The following ZNF592 variants were observed in gnomAD, a reference collection of about 807,000 sequenced individuals.
ZNF592 encodes spinocerebellar ataxia, autosomal recessive 5.
Under a neutral mutation model 80.3 loss-of-function variants are expected in ZNF592, and 11 were observed. The observed-to-expected ratio is 0.14, with a 90% confidence interval of 0.09 to 0.23. ZNF592 has a LOEUF of 0.23. Among genes scored for constraint, ZNF592 ranks in the 10% least tolerant of loss-of-function variants. The pLI is 1.00. For missense variants in ZNF592, 1,420 were observed against 1,633.9 expected (o/e 0.87, Z 2.26); for synonymous variants, 646 against 640.3 (o/e 1.01, Z -0.13).
At position 84,802,864 on chromosome 15, in the gene ZNF592, C is replaced by T. The variant is rs1963141569; in HGVS notation, c.*471C>T. On this transcript the variant is annotated 3_prime_UTR_variant, in exon 11 of 11. Transcript: ENST00000560079. ...GAAATGAGGGGTGCTGACACAGTCC[C>T]TCTGGGAGAGCTCTGCCTAGTCTGG... The T allele has an allele frequency of 5.5e-6, 1 of 181,312 alleles. No homozygotes were observed. Among genetic ancestry groups the T allele is most frequent in the South Asian group, 1.1e-4 (1 of 9,266 alleles). The allele number at this position is 181,312 out of a possible 1,614,324, so 11.2% of individuals were successfully genotyped here. A position where few individuals can be genotyped will look rare whatever the true frequency, so the allele number is the denominator to read the frequency against.
At position 84,798,680 on chromosome 15, in the gene ZNF592, C is replaced by T. The variant is rs1401034348; in HGVS notation, c.2829C>T (p.Pro943=). Residue 943 remains proline (P), a synonymous_variant, in exon 8 of 11, where the codon CCC becomes CCT. Coordinates refer to ENST00000560079, the MANE Select transcript of ZNF592 (RefSeq NM_014630.3). This position sits in a 1 kb window ranked among gnomAD's most constrained non-coding sequence, Gnocchi z 4.5. The part of the protein sequence containing the change: ...TSSSRPGSRV[P]TEPPATSVAA... ...CAAGCCGCCCTGGCTCTCGAGTTCC[C>T]ACTGAGCCACCAGCCACTAGTGTGG... 1.2e-6 allele frequency: 2 copies of T among 1,613,576 alleles called. No homozygotes were observed. The highest frequency in any genetic ancestry group is 1.1e-5 in the South Asian group (1 of 91,084).
At chr15:84,786,839 A>ATT (rs1962597583) in intron 4 of ZNF592, among the ~76,000 whole-genome samples, 1 of 96,268 alleles carries the variant, frequency 1.0e-5, no homozygotes, top group Non-Finnish European at 2.1e-5. Flanking sequence ...GTCCTTACGT[A>ATT]TCTTTTTTTT....
intron 3 of ZNF592, among the ~76,000 whole-genome samples, 187 bp from the exon 4 acceptor site, chr15:84,782,470 T>C (rs1476707980): frequency 2.0e-5 from 3 of 152,220 alleles, no homozygotes. Context: ...TTTCCATCTC[T>C]GCCCCCACCT....
At chr15:84,772,777 A>G (rs910863968) in intron 2 of ZNF592, among the ~76,000 whole-genome samples, 5 of 152,106 alleles carry the variant, frequency 3.3e-5, no homozygotes, top group Admixed American at 2.0e-4. Flanking sequence ...TCCTTAAATC[A>G]TGCTGCCTTT....
chr15:84,792,155 G>A lies in ZNF592; in HGVS notation c.2399+1272G>A, dbSNP rs985277092. 9.2e-5 allele frequency among the ~76,000 whole-genome samples: 14 copies of A among 152,180 alleles called. No individual in the cohort carries two copies. In the South Asian group the frequency reaches 1.5e-3, roughly 16 times the overall value. ...TGAGGGCTTCACTGAAGGCATGATCGTGGGAATGGAGAGAAGGTAGATTTG... is the reference window on the plus strand; with the variant it reads ...TGAGGGCTTCACTGAAGGCATGATCATGGGAATGGAGAGAAGGTAGATTTG... On this transcript the variant is annotated intron_variant, in intron 5 of 10. Transcript: ENST00000560079.
At chr15:84,801,719 C>T in intron 10 of ZNF592, 144 bp from the exon 11 acceptor site, 4 of 1,193,560 alleles carry the variant, frequency 3.4e-6, no homozygotes, top group Non-Finnish European at 1.2e-6. Context: ...AGAATTGAAA[C>T]AAACCAAACG....
chr15:84,783,673 G>A lies in ZNF592; in HGVS notation c.998G>A (p.Arg333Gln), dbSNP rs144705583. The A allele has an allele frequency of 2.2e-5, 35 of 1,614,186 alleles. No individual in the cohort carries two copies. In the African/African-American group the frequency reaches 3.6e-4, roughly 17 times the overall value. ...ATGCCCAAGTCACCAAAGAGTCCCCGGAGCCCTCTGGAGGCCACTAGAAAA... is the reference window on the plus strand; with the variant it reads ...ATGCCCAAGTCACCAAAGAGTCCCCAGAGCCCTCTGGAGGCCACTAGAAAA... ...PKMPKSPKSP[R>Q]SPLEATRKSI... Residue 333 changes from arginine to glutamine, a missense_variant, in exon 4 of 11, where the codon CGG becomes CAG. This residue lies in a region of ZNF592 where 524 missense variants were observed against 628.3 expected (regional missense o/e 0.83). Coordinates refer to ENST00000560079, the MANE Select transcript of ZNF592 (RefSeq NM_014630.3). The surrounding 1 kb of genome is among the most constrained non-coding windows in gnomAD (Gnocchi z 5.0).
chr15:84,783,867 C>T lies in ZNF592; in HGVS notation c.1192C>T (p.Pro398Ser). 6.2e-7 allele frequency: 1 copy of T among 1,614,192 alleles called. No homozygotes were observed. The highest frequency in any genetic ancestry group is 8.5e-7 in the Non-Finnish European group (1 of 1,180,026). The change falls in exon 4 of 11, where the codon CCT becomes TCT. Residue 398 changes from proline to serine, a missense_variant. Coordinates refer to ENST00000560079, the MANE Select transcript of ZNF592 (RefSeq NM_014630.3). This position sits in a 1 kb window ranked among gnomAD's most constrained non-coding sequence, Gnocchi z 5.0. Reference protein sequence around the residue: ...KRTVTRILPDPDDPSKSPVGS... With the variant: ...KRTVTRILPDSDDPSKSPVGS... ...GACTGTCACAAGGATCCTGCCAGAT[C>T]CTGATGATCCAAGTAAGTCCCCTGT...
intron 1 of ZNF592, 64 bp downstream of exon 1, chr15:84,748,728 C>T (rs1021966327): frequency 6.8e-6 from 1 of 147,646 alleles, no homozygotes; most frequent in African/African-American, 2.4e-5. Context: ...CAGCCTGGGC[C>T]CGGGAGGATC....
chr15:84,786,685 G>C (rs1304568803), intron 4 of ZNF592, among the ~76,000 whole-genome samples: 1 of 151,940 alleles, frequency 6.6e-6, no homozygotes, highest in East Asian at 1.9e-4. Context: ...GGGCACTCTG[G>C]GTCTCTTCCC....
rs1567066810 is a variant in ZNF592 at position 84,778,274 on chromosome 15, C to T, written c.-58C>T. The T allele has an allele frequency of 3.5e-6, 1 of 284,688 alleles. No individual in the cohort carries two copies. The highest frequency in any genetic ancestry group is 7.0e-6 in the Non-Finnish European group (1 of 142,996). The allele number at this position is 284,688 out of a possible 1,614,324, so 17.6% of individuals were successfully genotyped here. ...ACAGAGGGAGGGGGGGCTCCAAAGCCGAAAGAGGAGGTCCCTACCTGCCAC... is the reference window on the plus strand; with the variant it reads ...ACAGAGGGAGGGGGGGCTCCAAAGCTGAAAGAGGAGGTCCCTACCTGCCAC... On this transcript the variant is annotated 5_prime_UTR_variant, in exon 3 of 11. Transcript: ENST00000560079.
At position 84,784,818 on chromosome 15, in the gene ZNF592, G is replaced by C; in HGVS notation, c.2143G>C (p.Glu715Gln). Residue 715 changes from glutamate (E) to glutamine (Q), a missense_variant, in exon 4 of 11, where the codon GAA becomes CAA. Coordinates refer to ENST00000560079, the MANE Select transcript of ZNF592 (RefSeq NM_014630.3). This position sits in a 1 kb window ranked among gnomAD's most constrained non-coding sequence, Gnocchi z 5.8. ...CATCCGGTACTCAATCAAGTGTCTT[G>C]AATGTCACAAGCAGATGCGGGACTA... ...RLIRYSIKCLECHKQMRDYMV... is the reference protein window; with the variant it reads ...RLIRYSIKCLQCHKQMRDYMV... 2 of 1,614,098 alleles carry C rather than the reference G, an allele frequency of 1.2e-6. No individual in the cohort carries two copies. The highest frequency in any genetic ancestry group is 1.7e-6 in the Non-Finnish European group (2 of 1,180,014).
At chr15:84,750,378 G>C (rs951576977) in intron 1 of ZNF592, among the ~76,000 whole-genome samples, 3 of 152,208 alleles carry the variant, frequency 2.0e-5, no homozygotes, top group Non-Finnish European at 4.4e-5. Context: ...CATTGTTCTA[G>C]ATGCAGTGAA....
At chr15:84,789,668 C>T (rs1962686860) in intron 4 of ZNF592, among the ~76,000 whole-genome samples, 1 of 152,198 alleles carries the variant, frequency 6.6e-6, no homozygotes, top group African/African-American at 2.4e-5. Context: ...TAAATGTTGT[C>T]ATGGCTCATT....
At chr15:84,764,398 CAG>C (rs752917601) in intron 1 of ZNF592, among the ~76,000 whole-genome samples, 2 of 151,480 alleles carry the variant, frequency 1.3e-5, no homozygotes, top group African/African-American at 4.8e-5. Context: ...TATGGGGAAA[CAG>C]ACAGAGATGA....
chr15:84,784,907 C>T lies in ZNF592; in HGVS notation c.2220+12C>T, dbSNP rs915650015. 6.8e-6 allele frequency: 11 copies of T among 1,614,060 alleles called. No individual in the cohort carries two copies. The highest frequency in any genetic ancestry group is 8.5e-6 in the Non-Finnish European group (10 of 1,180,022). On this transcript the variant is annotated intron_variant, in intron 4 of 10. Coordinates refer to ENST00000560079, the MANE Select transcript of ZNF592 (RefSeq NM_014630.3). The surrounding 1 kb of genome is among the most constrained non-coding windows in gnomAD (Gnocchi z 5.8). ...AGACAGAGGGGCTGGTAAGCAGACC[C>T]TCACTGTTACGGGTATCGGGCCCCT...
At chr15:84,789,059 AAAACAAAAAAAAC>A (rs1962665993) in intron 4 of ZNF592, among the ~76,000 whole-genome samples, 2 of 150,724 alleles carry the variant, frequency 1.3e-5, no homozygotes, top group Admixed American at 6.6e-5. Context: ...TAAAAAAAAA[AAAACAAAAAAAAC>A]AAAACAGAAA....
intron 5 of ZNF592, among the ~76,000 whole-genome samples, chr15:84,796,276 TATATATATATATATATATAA>T (rs1567076369): frequency 0.043 from 2,207 of 51,560 alleles, 154 homozygotes; most frequent in East Asian, 0.11. Flanking sequence ...TTTATATATA[TATATATATATATATATATAA>T]AAAAACGAAG....
chr15:84,774,441 A>G lies in ZNF592; in HGVS notation c.-149-3742A>G, dbSNP rs556890091. Among the ~76,000 whole-genome samples the G allele has an allele frequency of 2.0e-5, 3 of 152,334 alleles. No individual in the cohort carries two copies. The East Asian group carries it at 5.8e-4, about 29-fold the overall frequency. The stretch of plus-strand genomic sequence containing the variant: ...TCCTTATTCAGCAGTGGTGTGTCTA[A>G]TGGCTGGTCCTTGAGCACACATATC... On this transcript the variant is annotated intron_variant, in intron 2 of 10. Transcript: ENST00000560079.
Sources: gnomAD v4.1 joint callset for allele counts (sites outside exome capture counted in the v4.1 genomes callset) on GRCh38, gnomAD v4.1.1 for gene constraint, gnomAD v4.1.1 regional missense constraint, Gnocchi (gnomAD v3.1) non-coding constraint, MANE v1.5 for transcripts, NCBI Gene and HGNC (gene_info 2026-07-23, HGNC 2026-07-21) for gene names.